The following SF3B1 variants were observed in gnomAD, a reference collection of about 807,000 sequenced individuals.
SF3B1 encodes pre-mRNA processing 10.
A neutral mutation model predicts 153.8 loss-of-function variants in SF3B1; 12 were observed. That is an observed-to-expected ratio of 0.08 (90% confidence interval 0.05 to 0.13). The LOEUF (loss-of-function observed/expected upper bound fraction) is 0.13. Among genes scored for constraint, SF3B1 ranks in the 10% least tolerant of loss-of-function variants. The pLI is 1.00. For synonymous variants in SF3B1, 498 were observed against 525.2 expected (o/e 0.95, Z 0.71); for missense variants, 513 against 1,606.1 (o/e 0.32, Z 11.63).
intron 24 of SF3B1, 23 bp downstream of exon 24, chr2:197,392,949 T>TA (rs746565531): frequency 1.0e-3 from 1,306 of 1,312,396 alleles, no homozygotes; most frequent in Non-Finnish European, 1.2e-3. Flanking sequence ...AATCACCGAT[T>TA]AAAAAAAAAA....
At chr2:197,423,679 G>C in intron 2 of SF3B1, 129 bp downstream of exon 2, 1 of 769,812 alleles carries the variant, frequency 1.3e-6, no homozygotes, top group Admixed American at 2.8e-5. Flanking sequence ...GATACCTCCA[G>C]TAGTTTTATC....
chr2:197,434,267 GT>G (rs1372289648), intron 1 of SF3B1, among the ~76,000 whole-genome samples: 1 of 151,910 alleles, frequency 6.6e-6, no homozygotes, highest in African/African-American at 2.4e-5. Context: ...TATTCCCAAC[GT>G]TTTCCTAATT....
rs1240412142 is a variant in SF3B1 at position 197,390,952 on chromosome 2, T to C, written c.*1351A>G. On this transcript the variant is annotated 3_prime_UTR_variant, in exon 25 of 25. Coordinates refer to ENST00000335508, the MANE Select transcript of SF3B1 (RefSeq NM_012433.4). ...GAAGCAGGAACTCCTAAAGTGTCAATAGGCAGTTTTACTTACAGTAGTAGT... is the reference window on the plus strand; with the variant it reads ...GAAGCAGGAACTCCTAAAGTGTCAACAGGCAGTTTTACTTACAGTAGTAGT... 6.6e-6 allele frequency: 1 copy of C among 152,168 alleles called. No homozygotes were observed. The highest frequency in any genetic ancestry group is 1.5e-5 in the Non-Finnish European group (1 of 68,026). 9.4% of individuals were successfully genotyped at this position (152,168 alleles called of 1,614,324 possible).
intron 22 of SF3B1, 30 bp from the exon 23 acceptor site, chr2:197,396,358 T>G: frequency 6.4e-7 from 1 of 1,573,188 alleles, no homozygotes; most frequent in Non-Finnish European, 8.6e-7. Context: ...CAACAAGCTG[T>G]TACATTATAA....
At chr2:197,398,401 C>T in intron 21 of SF3B1, 60 bp downstream of exon 21, 2 of 1,594,374 alleles carry the variant, frequency 1.3e-6, no homozygotes, top group South Asian at 1.1e-5. Flanking sequence ...TAATTGAATA[C>T]AAAGTGGCCA....
Sources: allele counts gnomAD v4.1 joint callset (sites outside exome capture counted in the v4.1 genomes callset), GRCh38; gene constraint gnomAD v4.1.1; transcripts MANE v1.5; gene names NCBI Gene and HGNC (gene_info 2026-07-23, HGNC 2026-07-21).